The following EXT1 variants were observed in gnomAD, a reference collection of about 807,000 sequenced individuals.
EXT1 encodes exostosin glycosyltransferase 1.
EXT1 carries 20 observed loss-of-function variants against 82.5 expected under a neutral mutation model. That is an observed-to-expected ratio of 0.24 (90% CI 0.17 to 0.35). The LOEUF (loss-of-function observed/expected upper bound fraction) is 0.35, where lower values mean the gene tolerates loss of function less well. Among genes scored for constraint, EXT1 ranks in the 10% least tolerant of loss-of-function variants. The pLI, the probability that EXT1 is intolerant of heterozygous loss-of-function variation, is 1.00. For synonymous variants in EXT1, 348 were observed against 350.8 expected (o/e 0.99, Z 0.09); for missense variants, 757 against 936.5 (o/e 0.81, Z 2.50).
intron 7 of EXT1, among the ~76,000 whole-genome samples, chr8:117,817,446 G>A (rs1476728205): frequency 6.6e-6 from 1 of 152,092 alleles, no homozygotes; most frequent in African/African-American, 2.4e-5. Flanking sequence ...AGATGGCACT[G>A]CTTCACCAAT....
At position 117,987,738 on chromosome 8, in the gene EXT1, C is replaced by T. The variant is rs552002416; in HGVS notation, c.962+122347G>A. On this transcript the variant is annotated intron_variant, in intron 1 of 10. Coordinates refer to ENST00000378204, the MANE Select transcript of EXT1 (RefSeq NM_000127.3). The stretch of plus-strand genomic sequence containing the variant: ...AAGACTCATTCATGTAATATCACCA[C>T]ATAAGGGAGGCTGGGAGAGAGTAGG... Among the ~76,000 whole-genome samples the T allele has an allele frequency of 3.9e-5, 6 of 152,272 alleles. No individual in the cohort carries two copies. The East Asian group carries it at 1.2e-3, about 29-fold the overall frequency.
At chr8:117,957,398 A>G (rs1040737089) in intron 1 of EXT1, among the ~76,000 whole-genome samples, 4 of 152,236 alleles carry the variant, frequency 2.6e-5, no homozygotes, top group East Asian at 1.9e-4. Context: ...TAAGCATCCA[A>G]TAACTCCCTG....
intron 1 of EXT1, among the ~76,000 whole-genome samples, chr8:118,040,491 C>T (rs886956911): frequency 3.9e-5 from 6 of 152,186 alleles, no homozygotes; most frequent in South Asian, 4.1e-4. Context: ...GTGTCATCTT[C>T]AACTCTGTCA....
intron 1 of EXT1, among the ~76,000 whole-genome samples, chr8:118,080,039 G>T (rs769231537): frequency 6.6e-6 from 1 of 152,188 alleles, no homozygotes; most frequent in Non-Finnish European, 1.5e-5. Flanking sequence ...CTAGGCACTG[G>T]TTGAAAAGGC....
intron 1 of EXT1, among the ~76,000 whole-genome samples, chr8:117,992,700 A>T (rs1013534302): frequency 6.6e-6 from 1 of 152,174 alleles, no homozygotes; most frequent in Non-Finnish European, 1.5e-5. Context: ...CGACAAGACA[A>T]GCAACACAAG....
Position 117,796,185 on chromosome 8 carries a change from T to G in EXT1, c.*3527A>C, listed in dbSNP as rs1823085755. 6.6e-6 allele frequency: 1 copy of G among 152,100 alleles called. No individual in the cohort carries two copies. The highest frequency in any genetic ancestry group is 6.5e-5 in the Admixed American group (1 of 15,272). 9.4% of individuals were successfully genotyped at this position (152,100 alleles called of 1,614,324 possible). On this transcript the variant is annotated 3_prime_UTR_variant, in exon 11 of 11. Transcript: ENST00000378204. ...AACTGCTACTTTTAAATACTGGAGA[T>G]CTCAAGAGACCCAAGGGAACACAAG... is the stretch of plus-strand genomic sequence containing the variant.
chr8:117,968,815 C>T (rs1454130024), intron 1 of EXT1, among the ~76,000 whole-genome samples: 2 of 64,518 alleles, frequency 3.1e-5, no homozygotes, highest in Admixed American at 1.6e-4. Context: ...GTGATCCGCC[C>T]GCCTCGGCCT....
At chr8:118,089,128 G>GT (rs904540233) in intron 1 of EXT1, among the ~76,000 whole-genome samples, 8 of 152,162 alleles carry the variant, frequency 5.3e-5, no homozygotes, top group African/African-American at 1.9e-4. Context: ...ATATCATAAG[G>GT]TTTTTTTATA....
At chr8:117,851,496 T>C (rs1351727209) in intron 1 of EXT1, among the ~76,000 whole-genome samples, 1 of 151,110 alleles carries the variant, frequency 6.6e-6, no homozygotes, top group Non-Finnish European at 1.5e-5. Flanking sequence ...TTTTAGTTGG[T>C]GCCACGTTTC....
intron 1 of EXT1, among the ~76,000 whole-genome samples, chr8:117,868,616 A>C (rs1812814436): frequency 6.6e-6 from 1 of 151,756 alleles, no homozygotes; most frequent in African/African-American, 2.4e-5. Flanking sequence ...ATGCCTGGCT[A>C]CTTTTTTATT....
In EXT1 at chr8:117,950,399, C is replaced by T. The variant is rs538754406; in HGVS notation, c.963-113198G>A. Among the ~76,000 whole-genome samples, 192 of 152,310 alleles carry T rather than the reference C, an allele frequency of 1.3e-3. 1 individual carries two copies. The highest frequency in any genetic ancestry group is 4.5e-3 in the African/African-American group (187 of 41,568). Reference sequence around the variant, plus strand: ...GCTGGCTGGTTGTAACAGCCAAATGCGGATTTACACTGAGTACTTTGTTCA... The same window carrying T: ...GCTGGCTGGTTGTAACAGCCAAATGTGGATTTACACTGAGTACTTTGTTCA... On this transcript the variant is annotated intron_variant, in intron 1 of 10. Coordinates refer to ENST00000378204, the MANE Select transcript of EXT1 (RefSeq NM_000127.3).
At chr8:117,930,785 G>A (rs1814045360) in intron 1 of EXT1, among the ~76,000 whole-genome samples, 4 of 152,278 alleles carry the variant, frequency 2.6e-5, no homozygotes, top group South Asian at 2.1e-4. Flanking sequence ...GTCATAGGGC[G>A]AGATAGGAGA....
intron 1 of EXT1, among the ~76,000 whole-genome samples, chr8:118,053,417 A>G (rs1163951384): frequency 6.6e-6 from 1 of 152,192 alleles, no homozygotes; most frequent in South Asian, 2.1e-4. Context: ...TCACTTTTAC[A>G]TTATAATCTG....
chr8:118,095,030 G>A (rs971786467), intron 1 of EXT1, among the ~76,000 whole-genome samples: 2 of 152,138 alleles, frequency 1.3e-5, no homozygotes, highest in African/African-American at 4.8e-5. Context: ...ACATACATGT[G>A]CATGTACAGA....
chr8:118,037,112 T>C (rs914222512), intron 1 of EXT1, among the ~76,000 whole-genome samples: 8 of 152,206 alleles, frequency 5.3e-5, no homozygotes, highest in Admixed American at 3.9e-4. Flanking sequence ...CCTATGTCCA[T>C]GTTGTCTTAA....
intron 1 of EXT1, among the ~76,000 whole-genome samples, chr8:118,058,011 G>A (rs1411191369): frequency 1.4e-5 from 2 of 147,718 alleles, no homozygotes; most frequent in African/African-American, 2.5e-5. Flanking sequence ...AAAAAAAATC[G>A]AAAGTGATCT....
intron 1 of EXT1, among the ~76,000 whole-genome samples, chr8:118,053,394 G>C (rs1816748802): frequency 6.6e-6 from 1 of 152,054 alleles, no homozygotes; most frequent in South Asian, 2.1e-4. Flanking sequence ...CTTCTGCTCT[G>C]TTCAAAAAGA....
rs543861378 is a variant in EXT1 at position 117,992,358 on chromosome 8, G to C, written c.962+117727C>G. Among the ~76,000 whole-genome samples, 7 of 149,140 alleles carry C rather than the reference G, an allele frequency of 4.7e-5. No homozygotes were observed. In the South Asian group the frequency reaches 1.3e-3, roughly 27 times the overall value. ...TAAGGTTTGCATTAAACATTCAGGA[G>C]AGCAGCTCTGGGTATATAATTAGGG... On this transcript the variant is annotated intron_variant, in intron 1 of 10. Coordinates refer to ENST00000378204, the MANE Select transcript of EXT1 (RefSeq NM_000127.3).
At chr8:117,935,698 C>A (rs1173657883) in intron 1 of EXT1, among the ~76,000 whole-genome samples, 2 of 152,024 alleles carry the variant, frequency 1.3e-5, no homozygotes, top group African/African-American at 2.4e-5. Flanking sequence ...TTGTGGCATC[C>A]AAACTCAACT....
Sources: allele counts gnomAD v4.1 joint callset (sites outside exome capture counted in the v4.1 genomes callset), GRCh38; gene constraint gnomAD v4.1.1; transcripts MANE v1.5; gene names NCBI Gene and HGNC (gene_info 2026-07-23, HGNC 2026-07-21).